The following SRGAP1 variants were observed in gnomAD, a reference collection of about 807,000 sequenced individuals.
The protein encoded by SRGAP1 is SLIT-ROBO Rho GTPase-activating protein 1.
In SRGAP1, 43 loss-of-function variants were observed where a neutral mutation model predicts 121.9. The ratio of observed to expected loss-of-function variants is 0.35; its 90% CI spans 0.28 to 0.46. The LOEUF is 0.46. Among genes scored for constraint, SRGAP1 ranks in the 20% least tolerant of loss-of-function variants. The pLI is 1.00. For synonymous variants in SRGAP1, 447 were observed against 485.4 expected, an observed-to-expected ratio of 0.92 and a Z score of 1.04; for missense variants, 1,102 against 1,350.9, an observed-to-expected ratio of 0.82 and a Z score of 2.89.
intron 6 of SRGAP1, among the ~76,000 whole-genome samples, chr12:64,044,697 T>G (rs1487737758): frequency 7.2e-6 from 1 of 138,312 alleles, no homozygotes; most frequent in Non-Finnish European, 1.6e-5. Context: ...TTTTTTTTTT[T>G]TTAAGACAGA....
intron 21 of SRGAP1, among the ~76,000 whole-genome samples, chr12:64,131,358 T>C (rs986341315): frequency 3.3e-5 from 5 of 152,210 alleles, no homozygotes; most frequent in Non-Finnish European, 5.9e-5. Context: ...AGCCAAACCA[T>C]TGGCTACAGT....
intron 1 of SRGAP1, among the ~76,000 whole-genome samples, chr12:63,970,196 T>A (rs1203184327): frequency 6.6e-6 from 1 of 152,120 alleles, no homozygotes; most frequent in Admixed American, 6.5e-5. Context: ...GAGTTTAAAT[T>A]AAAAGGCAAC....
At chr12:64,025,145 G>A (rs1216885739) in intron 4 of SRGAP1, among the ~76,000 whole-genome samples, 2 of 121,940 alleles carry the variant, frequency 1.6e-5, no homozygotes, top group African/African-American at 6.7e-5. Flanking sequence ...TCTTTAAAAC[G>A]TTTAAATAAA....
intron 1 of SRGAP1, among the ~76,000 whole-genome samples, chr12:63,904,390 T>C (rs559517275): frequency 6.6e-6 from 1 of 152,172 alleles, no homozygotes; most frequent in Non-Finnish European, 1.5e-5. Context: ...TCCTGTTCTA[T>C]TGATTGGAAT....
chr12:63,866,941 T>C (rs1272667892), intron 1 of SRGAP1, among the ~76,000 whole-genome samples: 1 of 151,922 alleles, frequency 6.6e-6, no homozygotes, highest in Non-Finnish European at 1.5e-5. Flanking sequence ...CGCTCATGGC[T>C]CACTGCAGCC....
At chr12:64,053,751 A>AT (rs2035284324) in intron 6 of SRGAP1, among the ~76,000 whole-genome samples, 1 of 152,180 alleles carries the variant, frequency 6.6e-6, no homozygotes, top group South Asian at 2.1e-4. Flanking sequence ...TATTATCCCC[A>AT]ATATTAAGTG....
At chr12:63,862,193 T>C (rs1385018140) in intron 1 of SRGAP1, among the ~76,000 whole-genome samples, 1 of 152,220 alleles carries the variant, frequency 6.6e-6, no homozygotes, top group Non-Finnish European at 1.5e-5. Context: ...TTTTTAGAAC[T>C]TAATTCTTTA....
chr12:64,043,360 G>A (rs1042732093), intron 5 of SRGAP1, 87 bp from the exon 6 acceptor site: 2 of 1,305,446 alleles, frequency 1.5e-6, no homozygotes, highest in African/African-American at 3.0e-5. Context: ...AAATTGTTAA[G>A]GTTAATAAAA....
At chr12:63,940,808 T>C (rs2031838490) in intron 1 of SRGAP1, among the ~76,000 whole-genome samples, 1 of 152,208 alleles carries the variant, frequency 6.6e-6, no homozygotes. Flanking sequence ...CCAGAAAGGC[T>C]CACAAGGGCA....
chr12:63,893,571 G>A (rs547336404), intron 1 of SRGAP1, among the ~76,000 whole-genome samples: 1 of 152,286 alleles, frequency 6.6e-6, no homozygotes, highest in African/African-American at 2.4e-5. Context: ...GAATTTGACA[G>A]CTGAAAATGC....
chr12:63,970,560 G>C (rs1321406470), intron 1 of SRGAP1, among the ~76,000 whole-genome samples: 1 of 152,112 alleles, frequency 6.6e-6, no homozygotes, highest in Non-Finnish European at 1.5e-5. Context: ...TTTGCAAGTT[G>C]AATAGACCAT....
Position 64,152,322 on chromosome 12 carries a change from C to T in SRGAP1, c.*9650C>T, listed in dbSNP as rs1384594473. The T allele has an allele frequency of 6.6e-6, 1 of 152,172 alleles. No individual in the cohort carries two copies. The highest frequency in any genetic ancestry group is 1.5e-5 in the Non-Finnish European group (1 of 68,046). The allele number at this position is 152,172 out of a possible 1,614,324, so 9.4% of individuals were successfully genotyped here. On this transcript the variant is annotated 3_prime_UTR_variant, in exon 22 of 22. Coordinates refer to ENST00000355086, the MANE Select transcript of SRGAP1 (RefSeq NM_020762.4). ...ATAGTGACAGAGCAGGATTTGATTCCACGCCATCTGGTGCTGGAGGCTATG... is the reference window on the plus strand; with the variant it reads ...ATAGTGACAGAGCAGGATTTGATTCTACGCCATCTGGTGCTGGAGGCTATG...
chr12:64,003,712 C>A lies in SRGAP1; in HGVS notation c.427-13238C>A, dbSNP rs199975299. On this transcript the variant is annotated intron_variant, in intron 3 of 21. Coordinates refer to ENST00000355086, the MANE Select transcript of SRGAP1 (RefSeq NM_020762.4). Reference sequence around the variant, plus strand: ...GCCTCAGGGACTTTGGGAATGATACCCAAATGTCTAACATTTGTGTCATCA... The same window carrying A: ...GCCTCAGGGACTTTGGGAATGATACACAAATGTCTAACATTTGTGTCATCA... Among the ~76,000 whole-genome samples, 4 of 151,666 alleles carry A rather than the reference C, an allele frequency of 2.6e-5. No homozygotes were observed. In the East Asian group the frequency reaches 5.8e-4, roughly 22 times the overall value.
intron 21 of SRGAP1, among the ~76,000 whole-genome samples, chr12:64,136,625 T>C (rs1045201100): frequency 2.0e-5 from 3 of 152,228 alleles, no homozygotes; most frequent in Non-Finnish European, 2.9e-5. Flanking sequence ...AAAAAGAATT[T>C]TGGATAGCAA....
At chr12:63,866,803 T>C (rs2136272464) in intron 1 of SRGAP1, among the ~76,000 whole-genome samples, 1 of 151,986 alleles carries the variant, frequency 6.6e-6, no homozygotes, top group Middle Eastern at 3.4e-3. Flanking sequence ...AGACCAGTGC[T>C]GGTCAGCAAT....
intron 1 of SRGAP1, among the ~76,000 whole-genome samples, chr12:63,906,211 AG>A (rs2030199086): frequency 6.6e-6 from 1 of 152,134 alleles, no homozygotes; most frequent in Non-Finnish European, 1.5e-5. Flanking sequence ...ATGAGTCAGT[AG>A]TTCATTTCTT....
chr12:64,127,556 G>C, intron 19 of SRGAP1, 34 bp from the exon 20 acceptor site: 1 of 1,563,256 alleles, frequency 6.4e-7, no homozygotes, highest in Non-Finnish European at 8.7e-7. Flanking sequence ...TGTAAATCTA[G>C]TAAATTTTGT....
At chr12:64,044,922 C>T (rs1480103787) in intron 6 of SRGAP1, among the ~76,000 whole-genome samples, 1 of 151,928 alleles carries the variant, frequency 6.6e-6, no homozygotes, top group African/African-American at 2.4e-5. Context: ...TCAAGTGATC[C>T]ACCTGCCTCA....
rs754717470 is a variant in SRGAP1 at position 63,990,049 on chromosome 12, G to A, written c.403G>A (p.Asp135Asn). The A allele has an allele frequency of 1.9e-6, 3 of 1,609,886 alleles. No homozygotes were observed. Among genetic ancestry groups the A allele is most frequent in the Non-Finnish European group, 1.7e-6 (2 of 1,178,642 alleles). ...VIMRFMQISEDSTRMFKKSKE... is the reference protein window; with the variant it reads ...VIMRFMQISENSTRMFKKSKE... The stretch of plus-strand genomic sequence containing the variant: ...TATGCGGTTCATGCAGATAAGTGAG[G>A]ATTCTACCAGGATGTTTAAAAAGGT... The change falls in exon 3 of 22, where the codon GAT becomes AAT. Residue 135 changes from aspartate (D) to asparagine (N), a missense_variant. Physicochemically the swap from Asp to Asn is conservative, Grantham distance 23 (BLOSUM62 1). Around this residue, in one of 3 missense-constraint regions of SRGAP1, gnomAD observed 747 missense variants for 929.4 expected, o/e 0.80. Transcript: ENST00000355086.
Sources: gnomAD v4.1 joint callset for allele counts (sites outside exome capture counted in the v4.1 genomes callset) on GRCh38, gnomAD v4.1.1 for gene constraint, gnomAD v4.1.1 regional missense constraint, MANE v1.5 for transcripts, NCBI Gene and HGNC (gene_info 2026-07-23, HGNC 2026-07-21) for gene names.